Variants in ZFYVE26 observed in about 807,000 individuals in gnomAD.
ZFYVE26 encodes zinc finger FYVE-type containing 26, also known as zinc finger FYVE domain-containing protein 26.
In ZFYVE26, 181 loss-of-function variants were observed where a neutral mutation model predicts 276.5. The ratio of observed to expected loss-of-function variants is 0.65; its 90% CI spans 0.58 to 0.74. The LOEUF is 0.74. Ranked by LOEUF, ZFYVE26 falls within the 30% of genes least tolerant of loss-of-function variation. The probability of loss-of-function intolerance (pLI) is 0.00; values close to 1 mark genes in which losing one functional copy is unlikely to be tolerated. For missense variants in ZFYVE26, 2,821 were observed against 3,097.9 expected, an observed-to-expected ratio of 0.91 and a Z score of 2.12; for synonymous variants, 1,129 against 1,203.1, an observed-to-expected ratio of 0.94 and a Z score of 1.27.
In ZFYVE26 at chr14:67,807,618, C is replaced by T. The variant is rs1347382325; in HGVS notation, c.666G>A (p.Leu222=). ...GTTCTGCGGGGCAACGCAGAGTCCG[C>T]AGGGCTCCATAGATGGCATCGACTA... is the stretch of plus-strand genomic sequence containing the variant. The part of the protein sequence containing the change: ...PGVVDAIYGA[L]RTLRCPAEPL... Residue 222 remains leucine (L), a synonymous_variant, in exon 5 of 42, where the codon CTG becomes CTA. Transcript: ENST00000347230. The T allele has an allele frequency of 1.2e-6, 2 of 1,614,084 alleles. No individual in the cohort carries two copies. The highest frequency in any genetic ancestry group is 1.1e-5 in the South Asian group (1 of 91,092).
At chr14:67,746,006 T>C (rs1265432727), downstream of ZFYVE26, among the ~76,000 whole-genome samples, 4 of 133,536 alleles carry the variant, frequency 3.0e-5, no homozygotes, top group Non-Finnish European at 6.2e-5. Flanking sequence ...CGGACTAGCA[T>C]AGATCCAGAA....
rs142185927 is a variant in ZFYVE26 at position 67,783,371 on chromosome 14, C to T, written c.3781G>A (p.Ala1261Thr). 16 of 1,613,744 alleles carry T rather than the reference C, an allele frequency of 9.9e-6. No individual in the cohort carries two copies. Among genetic ancestry groups the T allele is most frequent in the Admixed American group, 3.3e-5 (2 of 60,000 alleles). Residue 1261 changes from alanine to threonine, a missense_variant, in exon 21 of 42, where the codon GCC (alanine) becomes ACC (threonine). Ala to Thr is a moderately conservative substitution (Grantham distance 58). Transcript: ENST00000347230. Reference sequence around the variant, plus strand: ...GGGAGGTCATCCAGGCAGTGAGAGGCGTGTAGCTGGGCCAGAGTACCCAGA... The same window carrying T: ...GGGAGGTCATCCAGGCAGTGAGAGGTGTGTAGCTGGGCCAGAGTACCCAGA... Reference protein sequence around the residue: ...TRLGTLAQLHASHCLDDLPLS... With the variant: ...TRLGTLAQLHTSHCLDDLPLS...
intron 35 of ZFYVE26, 85 bp downstream of exon 35, chr14:67,761,281 G>A (rs770440552): frequency 4.0e-5 from 50 of 1,256,380 alleles, no homozygotes; most frequent in Non-Finnish European, 5.5e-5. Context: ...AAGTGTCAGG[G>A]GGTTATTGTC....
chr14:67,766,856 T>G (rs1040960602), intron 31 of ZFYVE26, among the ~76,000 whole-genome samples: 2 of 152,078 alleles, frequency 1.3e-5, no homozygotes, highest in South Asian at 4.1e-4. Context: ...TGTGCCACCA[T>G]GCCCGGCTAA....
In ZFYVE26 at chr14:67,772,230, G is replaced by A. The variant is rs2039230935; in HGVS notation, c.5321-20C>T. The A allele has an allele frequency of 6.2e-7, 1 of 1,610,366 alleles. No individual in the cohort carries two copies. The highest frequency in any genetic ancestry group is 1.3e-5 in the African/African-American group (1 of 74,886). ...AGATACCTGGGAGGCAGAGCCAGAG[G>A]TCAGAGTAAAAGGTAATCAATATAC... On this transcript the variant is annotated intron_variant, in intron 27 of 41. Transcript: ENST00000347230.
chr14:67,769,475 G>T, intron 29 of ZFYVE26, 119 bp downstream of exon 29: 1 of 1,453,238 alleles, frequency 6.9e-7, no homozygotes, highest in Non-Finnish European at 9.5e-7. Context: ...GCATTTCAGT[G>T]TGAATGTTAA....
At position 67,781,273 on chromosome 14, in the gene ZFYVE26, G is replaced by A. The variant is rs1188759564; in HGVS notation, c.4569+60C>T. 9 of 1,582,422 alleles carry A rather than the reference G, an allele frequency of 5.7e-6. No homozygotes were observed. The East Asian group carries it at 1.3e-4, about 24-fold the overall frequency. ...TAAAGTCCCCCATCATATAAGATAG[G>A]TTGGGGTTGATCATAGAGTGAGAAG... On this transcript the variant is annotated intron_variant, in intron 22 of 41. Transcript: ENST00000347230.
At chr14:67,756,238 T>C in intron 35 of ZFYVE26, 93 bp from the exon 36 acceptor site, 2 of 1,278,908 alleles carry the variant, frequency 1.6e-6, no homozygotes, top group Non-Finnish European at 2.3e-6. Context: ...TGATGAACCT[T>C]CAGCATCCTC....
At position 67,762,311 on chromosome 14, in the gene ZFYVE26, A is replaced by C. The variant is rs762604883; in HGVS notation, c.6261T>G (p.Ser2087Arg). 20 of 1,614,178 alleles carry C rather than the reference A, an allele frequency of 1.2e-5. No individual in the cohort carries two copies. In the Middle Eastern group the frequency reaches 8.2e-4, roughly 67 times the overall value. ...GGTCAAATGGGGGCTTCAGACAGCG[A>C]CTGAACTTCTCCCGTGCAGCAGTGA... ...GNLTAAREKF[S>R]RCLKPPFDLN... The change falls in exon 34 of 42, where the codon AGT (serine) becomes AGG (arginine). Residue 2087 changes from serine to arginine, a missense_variant. Coordinates refer to ENST00000347230, the MANE Select transcript of ZFYVE26 (RefSeq NM_015346.4).
In ZFYVE26 at chr14:67,778,151, C is replaced by T; in HGVS notation, c.4772G>A (p.Arg1591Lys). 6.2e-7 allele frequency: 1 copy of T among 1,614,198 alleles called. No individual in the cohort carries two copies. Among genetic ancestry groups the T allele is most frequent in the Non-Finnish European group, 8.5e-7 (1 of 1,180,020 alleles). Residue 1591 changes from arginine (R) to lysine (K), a missense_variant, in exon 24 of 42, where the codon AGA becomes AAA. Arg to Lys is a conservative substitution (Grantham distance 26). Transcript: ENST00000347230. ...HQKHLLHLLERRDHDKALQLL... is the reference protein window; with the variant it reads ...HQKHLLHLLEKRDHDKALQLL... ...TTGCAGAGCCTTGTCATGATCTCTT[C>T]TTTCTAGAAGGTGGAGAAGATGCTT...
At position 67,777,640 on chromosome 14, in the gene ZFYVE26, G is replaced by A. The variant is rs2140214874; in HGVS notation, c.4893C>T (p.Ala1631=). 6.2e-7 allele frequency: 1 copy of A among 1,614,128 alleles called. No homozygotes were observed. The change falls in exon 25 of 42, where the codon GCC becomes GCT. Residue 1631 remains alanine (A), a synonymous_variant. Coordinates refer to ENST00000347230, the MANE Select transcript of ZFYVE26 (RefSeq NM_015346.4). ...CATAGAAGTGGGTGGTGAGGTAGTT[G>A]GCCAAGAAGTGAGAAGTGGCCAAGC... ...HTSLATSHFL[A]NYLTTHFYGQ...
At chr14:67,768,433 A>AT in intron 30 of ZFYVE26, 84 bp downstream of exon 30, 1 of 1,462,898 alleles carries the variant, frequency 6.8e-7, no homozygotes, top group Non-Finnish European at 9.6e-7. Context: ...TTGGACAAGT[A>AT]TATCAGTCAC....
At chr14:67,816,226 G>A (rs892856503) in intron 1 of ZFYVE26, among the ~76,000 whole-genome samples, 180 bp from the exon 2 acceptor site, 4 of 152,120 alleles carry the variant, frequency 2.6e-5, no homozygotes, top group African/African-American at 9.7e-5. Context: ...CTCTTCACGC[G>A]GATTCCTATA....
chr14:67,800,953 A>ATAAATAAAT (rs1160875796), intron 10 of ZFYVE26, among the ~76,000 whole-genome samples: 1 of 151,784 alleles, frequency 6.6e-6, no homozygotes, highest in Non-Finnish European at 1.5e-5. Flanking sequence ...AAATAAATAA[A>ATAAATAAAT]TAAATAAAAG....
chr14:67,733,852 G>A (rs957179817), intron 13 of ZFYVE26: 1 of 1,602,994 alleles, frequency 6.2e-7, no homozygotes, highest in Middle Eastern at 1.7e-4. Context: ...GGAGTAGCTG[G>A]TGGAAGAGCT....
chr14:67,775,808 C>T, intron 26 of ZFYVE26, 52 bp downstream of exon 26: 6 of 1,613,176 alleles, frequency 3.7e-6, no homozygotes, highest in Middle Eastern at 3.4e-4. Context: ...AAGAATGCAG[C>T]ATGGCATTTC....
Position 67,807,598 on chromosome 14 carries a change from G to A in ZFYVE26, c.686C>T (p.Ala229Val). 2 of 1,614,222 alleles carry A rather than the reference G, an allele frequency of 1.2e-6. No individual in the cohort carries two copies. The highest frequency in any genetic ancestry group is 1.7e-6 in the Non-Finnish European group (2 of 1,180,036). ...YGALRTLRCP[A>V]EPLGVELHLL... is the part of the protein sequence containing the mutation. ...ATGCAACTCAACCCCAAGTGGTTCT[G>A]CGGGGCAACGCAGAGTCCGCAGGGC... Residue 229 changes from alanine to valine, a missense_variant, in exon 5 of 42, where the codon GCA becomes GTA. Coordinates refer to ENST00000347230, the MANE Select transcript of ZFYVE26 (RefSeq NM_015346.4).
chr14:67,744,368 G>T (rs2140171973), downstream of ZFYVE26, among the ~76,000 whole-genome samples: 1 of 151,992 alleles, frequency 6.6e-6, no homozygotes, highest in South Asian at 2.1e-4. Context: ...CATTACTGTT[G>T]TTTGTTTTTA....
chr14:67,750,608 T>C (rs1207599041), intron 41 of ZFYVE26: 1 of 221,956 alleles, frequency 4.5e-6, no homozygotes, highest in African/African-American at 2.3e-5. Context: ...GACCGAGACA[T>C]TGTTGGACAT....
Sources: allele counts gnomAD v4.1 joint callset (sites outside exome capture counted in the v4.1 genomes callset), GRCh38; gene constraint gnomAD v4.1.1; transcripts MANE v1.5; gene names NCBI Gene and HGNC (gene_info 2026-07-23, HGNC 2026-07-21).